Variants in GFM2 observed in about 807,000 individuals in gnomAD.
GFM2 encodes GTP dependent ribosome recycling factor mitochondrial 2.
A neutral mutation model predicts 95.4 loss-of-function variants in GFM2; 72 were observed. The ratio of observed to expected loss-of-function variants is 0.76; its 90% CI spans 0.62 to 0.92. GFM2 has a LOEUF of 0.92. GFM2 is among the 40% of genes least tolerant of loss of function. The pLI is 0.00. For missense variants in GFM2, 825 were observed against 924.1 expected (o/e 0.89, Z 1.39); for synonymous variants, 276 against 317.5 (o/e 0.87, Z 1.39).
intron 5 of GFM2, 30 bp downstream of exon 5, chr5:74,758,819 G>T: frequency 7.6e-7 from 1 of 1,322,282 alleles, no homozygotes; most frequent in Non-Finnish European, 1.1e-6. Context: ...TGCTAATGGG[G>T]GGGTGGGAAG....
At chr5:74,761,832 G>C (rs1400324152) in intron 2 of GFM2, among the ~76,000 whole-genome samples, 2 of 152,168 alleles carry the variant, frequency 1.3e-5, no homozygotes, top group African/African-American at 4.8e-5. Flanking sequence ...AGTTGGAATT[G>C]TTAGTGTATG....
intron 17 of GFM2, among the ~76,000 whole-genome samples, chr5:74,728,774 T>TTTTTGAGAGTTG (rs1750276281): frequency 7.1e-6 from 1 of 141,148 alleles, no homozygotes; most frequent in African/African-American, 2.7e-5. Flanking sequence ...TTTTTTTTTT[T>TTTTTGAGAGTTG]GAGATGGCGT....
chr5:74,737,707 C>T (rs115983178), intron 14 of GFM2, among the ~76,000 whole-genome samples: 17 of 152,222 alleles, frequency 1.1e-4, no homozygotes, highest in South Asian at 4.1e-4. Flanking sequence ...AATAACAATG[C>T]TTACTACATA....
rs896679195 is a variant in GFM2, at chr5:74,767,054, G to A, written c.-141C>T. On this transcript the variant is annotated 5_prime_UTR_variant, in exon 1 of 21. Transcript: ENST00000296805. ...AGTCTCGACGCCAGCCTAGGCAAAAGGCAATGTATCTAAACGAAAAGAAAA... is the reference window on the plus strand; with the variant it reads ...AGTCTCGACGCCAGCCTAGGCAAAAAGCAATGTATCTAAACGAAAAGAAAA... 8 of 360,606 alleles carry A rather than the reference G, an allele frequency of 2.2e-5. No individual in the cohort carries two copies. The highest frequency in any genetic ancestry group is 3.1e-5 in the Non-Finnish European group (6 of 192,638). 22.3% of individuals were successfully genotyped at this position (360,606 alleles called of 1,614,324 possible).
chr5:74,735,572 T>C (rs892588037), intron 15 of GFM2, among the ~76,000 whole-genome samples: 6 of 152,194 alleles, frequency 3.9e-5, no homozygotes, highest in Admixed American at 6.5e-5. Flanking sequence ...GAGAGCCTCA[T>C]AAAGTGTGAT....
At chr5:74,739,460 A>G (rs191273466) in intron 12 of GFM2, among the ~76,000 whole-genome samples, 364 of 152,292 alleles carry the variant, frequency 2.4e-3, no homozygotes, top group Non-Finnish European at 3.9e-3. Flanking sequence ...GCTCTTCACC[A>G]TCATGCCTCT....
At chr5:74,735,881 TG>T (rs1301774193) in intron 15 of GFM2, among the ~76,000 whole-genome samples, 30 of 152,216 alleles carry the variant, frequency 2.0e-4, no homozygotes, top group Admixed American at 1.9e-3. Context: ...TCTACTCTGC[TG>T]CTGCCTACTT....
intron 17 of GFM2, among the ~76,000 whole-genome samples, chr5:74,728,441 G>A (rs535103942): frequency 6.6e-6 from 1 of 152,266 alleles, no homozygotes; most frequent in South Asian, 2.1e-4. Flanking sequence ...AGCCTGAGGA[G>A]TAAGAAAAGG....
At chr5:74,757,066 AAAAAT>A (rs1357828466) in intron 5 of GFM2, among the ~76,000 whole-genome samples, 3 of 152,198 alleles carry the variant, frequency 2.0e-5, no homozygotes, top group African/African-American at 2.4e-5. Context: ...TATTGAAATA[AAAAAT>A]AAAATAAAAT....
At chr5:74,765,177 T>C in intron 1 of GFM2, 1 of 1,038,964 alleles carries the variant, frequency 9.6e-7, no homozygotes, top group Non-Finnish European at 1.2e-6. Context: ...TTCCTCTTCT[T>C]TAACTCAGTG....
intron 16 of GFM2, 34 bp from the exon 17 acceptor site, chr5:74,730,432 G>A (rs1362701179): frequency 6.9e-7 from 1 of 1,459,336 alleles, no homozygotes; most frequent in East Asian, 2.3e-5. Flanking sequence ...AAAGATTAAG[G>A]GTAAATTATA....
chr5:74,764,789 T>G (rs1744464395), intron 1 of GFM2, among the ~76,000 whole-genome samples: 1 of 140,050 alleles, frequency 7.1e-6, no homozygotes, highest in Non-Finnish European at 1.5e-5. Context: ...TTTTTTTTTT[T>G]TTTTTTTTTT....
chr5:74,766,724 C>T (rs1344994145), intron 1 of GFM2, among the ~76,000 whole-genome samples: 1 of 152,218 alleles, frequency 6.6e-6, no homozygotes, highest in Non-Finnish European at 1.5e-5. Flanking sequence ...CAATCATGCA[C>T]ACATTACACA....
intron 16 of GFM2, among the ~76,000 whole-genome samples, chr5:74,731,153 C>T (rs974736225): frequency 1.2e-4 from 19 of 152,152 alleles, no homozygotes; most frequent in African/African-American, 4.6e-4. Context: ...ACTGTCATGA[C>T]ACATCAGAAT....
chr5:74,738,593 C>T lies in GFM2; in HGVS notation c.1129G>A (p.Asp377Asn). ...LCALAFKVLH[D>N]KQRGPLVFMR... ...AAAACCAGTGGTCCTCGCTGCTTGT[C>T]ATGGAGAACTTTAAATGCCAATGCA... is the stretch of plus-strand genomic sequence containing the variant. The change falls in exon 13 of 21, where the codon GAC (aspartate) becomes AAC (asparagine). Residue 377 changes from aspartate (D) to asparagine (N), a missense_variant. Asp to Asn is a conservative substitution (Grantham distance 23, BLOSUM62 1). Transcript: ENST00000296805. 6.2e-7 allele frequency: 1 copy of T among 1,613,622 alleles called. No homozygotes were observed. Among genetic ancestry groups the T allele is most frequent in the Non-Finnish European group, 8.5e-7 (1 of 1,179,696 alleles).
chr5:74,751,688 C>T (rs1200206981), intron 5 of GFM2, among the ~76,000 whole-genome samples, 195 bp from the exon 6 acceptor site: 1 of 152,040 alleles, frequency 6.6e-6, no homozygotes, highest in African/African-American at 2.4e-5. Context: ...AGTAACTTTG[C>T]CATAAAAGGA....
Position 74,721,342 on chromosome 5 carries a change from CAAG to C in GFM2, c.*310_*312del. On this transcript the variant is annotated 3_prime_UTR_variant, in exon 21 of 21. Coordinates refer to ENST00000296805, the MANE Select transcript of GFM2 (RefSeq NM_032380.5). ...GAGGCCTGGCATCTTTCTTGTGAGA[CAAG>C]CTTAAGGACACAAAAGAAACACAAC... The C allele has an allele frequency of 2.6e-6, 2 of 758,346 alleles. No homozygotes were observed. Among genetic ancestry groups the C allele is most frequent in the Non-Finnish European group, 2.3e-6 (1 of 425,990 alleles). The allele number at this position is 758,346 out of a possible 1,614,324, so 47.0% of individuals were successfully genotyped here.
chr5:74,738,114 C>T (rs1307443299), intron 14 of GFM2, among the ~76,000 whole-genome samples: 1 of 151,994 alleles, frequency 6.6e-6, no homozygotes, highest in Non-Finnish European at 1.5e-5. Context: ...GAATACAATC[C>T]ATCCCGTCTG....
chr5:74,727,816 G>GTA (rs1448828805), intron 17 of GFM2, among the ~76,000 whole-genome samples: 2 of 152,078 alleles, frequency 1.3e-5, no homozygotes, highest in Non-Finnish European at 2.9e-5. Flanking sequence ...TTCAATACAT[G>GTA]TATACATCGT....
Sources: allele counts gnomAD v4.1 joint callset (sites outside exome capture counted in the v4.1 genomes callset), GRCh38; gene constraint gnomAD v4.1.1; transcripts MANE v1.5; gene names NCBI Gene and HGNC (gene_info 2026-07-23, HGNC 2026-07-21).